Variants in MYH1 observed in about 807,000 individuals in gnomAD.
The protein encoded by MYH1 is myosin-1.
A neutral mutation model predicts 225.6 loss-of-function variants in MYH1; 214 were observed. The ratio of observed to expected loss-of-function variants is 0.95; its 90% CI spans 0.85 to 1.06. The LOEUF is 1.06. Ranked by LOEUF, MYH1 falls within the 50% of genes least tolerant of loss-of-function variation. MYH1 has a pLI of 0.00. For missense variants in MYH1, 2,098 were observed against 2,344.2 expected (o/e 0.89, Z 2.17); for synonymous variants, 774 against 842.3 (o/e 0.92, Z 1.40).
In MYH1 at chr17:10,501,756, A is replaced by G. The variant is rs2073060595; in HGVS notation, c.3257+10T>C. On this transcript the variant is annotated intron_variant, in intron 25 of 39. Transcript: ENST00000226207. ...TTTCCCCACAAAACTGTTGACCTAA[A>G]ACTGCTTACTTTTTAAGCTTTTCAT... 4.3e-6 allele frequency: 7 copies of G among 1,613,946 alleles called. No individual in the cohort carries two copies. The highest frequency in any genetic ancestry group is 5.9e-6 in the Non-Finnish European group (7 of 1,179,974).
In MYH1 at chr17:10,516,222, G is replaced by T; in HGVS notation, c.325C>A (p.Arg109Ser). 1.2e-6 allele frequency: 2 copies of T among 1,614,188 alleles called. No individual in the cohort carries two copies. The highest frequency in any genetic ancestry group is 8.5e-7 in the Non-Finnish European group (1 of 1,180,028). The change falls in exon 4 of 40, where the codon CGC (arginine) becomes AGC (serine). Residue 109 changes from arginine to serine, a missense_variant. Coordinates refer to ENST00000226207, the MANE Select transcript of MYH1 (RefSeq NM_005963.4). Reference sequence around the variant, plus strand: ...ACGTAGATCATCCAGGCTGCGTAGCGCTCTTTGAGGTTGTACAGCACAGCA... The same window carrying T: ...ACGTAGATCATCCAGGCTGCGTAGCTCTCTTTGAGGTTGTACAGCACAGCA... The part of the protein sequence containing the change: ...EPAVLYNLKE[R>S]YAAWMIYTYS...
intron 28 of MYH1, 78 bp from the exon 29 acceptor site, chr17:10,499,170 G>C (rs2073028321): frequency 1.2e-5 from 16 of 1,301,546 alleles, no homozygotes; most frequent in Non-Finnish European, 1.8e-5. Context: ...AGCAGGGAAA[G>C]GGAGCCAAGT....
At position 10,496,344 on chromosome 17, in the gene MYH1, T is replaced by A. The variant is rs2072994231; in HGVS notation, c.4862A>T (p.Lys1621Met). 4 of 1,613,960 alleles carry A rather than the reference T, an allele frequency of 2.5e-6. No individual in the cohort carries two copies. Among genetic ancestry groups the A allele is most frequent in the Non-Finnish European group, 3.4e-6 (4 of 1,180,020 alleles). ...CATTTCATTGAGGTCTCCCTCCATCTTCTTCTTGAGCCTAATGGCATCATT... is the reference window on the plus strand; with the variant it reads ...CATTTCATTGAGGTCTCCCTCCATCATCTTCTTGAGCCTAATGGCATCATT... ...SRNDAIRLKK[K>M]MEGDLNEMEI... Residue 1621 changes from lysine (K) to methionine (M), a missense_variant, in exon 34 of 40, where the codon AAG (lysine) becomes ATG (methionine). Lys to Met is a moderately conservative substitution (Grantham distance 95, BLOSUM62 -1). Transcript: ENST00000226207.
chr17:10,507,810 G>A, intron 17 of MYH1, 76 bp downstream of exon 17: 1 of 1,215,748 alleles, frequency 8.2e-7, no homozygotes, highest in Non-Finnish European at 1.2e-6. Flanking sequence ...TCCTTGCAAG[G>A]TTAGTTTTTT....
In MYH1 at chr17:10,508,549, G is replaced by T; in HGVS notation, c.1711C>A (p.Pro571Thr). Residue 571 changes from proline (P) to threonine (T), a missense_variant, in exon 16 of 40, where the codon CCT becomes ACT. Coordinates refer to ENST00000226207, the MANE Select transcript of MYH1 (RefSeq NM_005963.4). ...TGGGCCTCAGGCTTGCCTTTGGCAG[G>T]CTTGGGCTTCTGGAAGTTATTGGAT... is the stretch of plus-strand genomic sequence containing the variant. ...GKSNNFQKPK[P>T]AKGKPEAHFS... The T allele has an allele frequency of 6.2e-7, 1 of 1,614,144 alleles. No individual in the cohort carries two copies. Among genetic ancestry groups the T allele is most frequent in the Non-Finnish European group, 8.5e-7 (1 of 1,180,024 alleles).
intron 24 of MYH1, 75 bp from the exon 25 acceptor site, chr17:10,501,986 T>C: frequency 1.4e-6 from 2 of 1,395,176 alleles, no homozygotes; most frequent in South Asian, 1.4e-5. Context: ...TTTTAAACAT[T>C]ATATCTATGC....
At chr17:10,511,351 G>A (rs897575107) in intron 14 of MYH1, among the ~76,000 whole-genome samples, 2 of 151,874 alleles carry the variant, frequency 1.3e-5, no homozygotes, top group Admixed American at 1.3e-4. Flanking sequence ...TTCATTTCTC[G>A]GCAAACAGAA....
intron 17 of MYH1, among the ~76,000 whole-genome samples, chr17:10,507,056 A>G (rs2073119559): frequency 6.6e-6 from 1 of 152,046 alleles, no homozygotes; most frequent in African/African-American, 2.4e-5. Flanking sequence ...TTGCCAAAAG[A>G]AAAATAGACT....
chr17:10,511,729 A>G, intron 14 of MYH1, 110 bp downstream of exon 14: 1 of 1,541,932 alleles, frequency 6.5e-7, no homozygotes, highest in Non-Finnish European at 8.9e-7. Flanking sequence ...TTTAAAGTGC[A>G]GCTATTTTTC....
At position 10,501,880 on chromosome 17, in the gene MYH1, A is replaced by G; in HGVS notation, c.3143T>C (p.Ile1048Thr). 6.2e-7 allele frequency: 1 copy of G among 1,608,244 alleles called. No homozygotes were observed. The change falls in exon 25 of 40, where the codon ATC (isoleucine) becomes ACC (threonine). Residue 1048 changes from isoleucine to threonine, a missense_variant. By Grantham distance (89) the Ile-to-Thr change is moderately conservative. Transcript: ENST00000226207. Reference sequence around the variant, plus strand: ...CTTTGCTCTTTCTAGATCCATCCGGATTTTCTTTTCTTGTTCCAAAGATCC... The same window carrying G: ...CTTTGCTCTTTCTAGATCCATCCGGGTTTTCTTTTCTTGTTCCAAAGATCC... ...LEGSLEQEKK[I>T]RMDLERAKRK...
In MYH1 at chr17:10,497,051, A is replaced by G. The variant is rs754840243; in HGVS notation, c.4656+18T>C. ...ATTCCTCTTCTAATTGTTTTAGAGT[A>G]TGCAATAAAATGCTTACCTCTGCCT... On this transcript the variant is annotated intron_variant, in intron 33 of 39. Transcript: ENST00000226207. 5 of 1,609,628 alleles carry G rather than the reference A, an allele frequency of 3.1e-6. No homozygotes were observed. The highest frequency in any genetic ancestry group is 4.2e-6 in the Non-Finnish European group (5 of 1,179,068).
intron 9 of MYH1, 107 bp from the exon 10 acceptor site, chr17:10,513,072 T>G: frequency 1.4e-6 from 1 of 712,588 alleles, no homozygotes. Context: ...TCTTGAGATT[T>G]CAACTGAATG....
intron 25 of MYH1, 25 bp downstream of exon 25, chr17:10,501,741 A>C (rs755540487): frequency 6.2e-7 from 1 of 1,613,868 alleles, no homozygotes; most frequent in Admixed American, 1.7e-5. Flanking sequence ...TTTCCCCACA[A>C]AACTGTTGAC....
In MYH1 at chr17:10,495,987, A is replaced by T; in HGVS notation, c.5132T>A (p.Leu1711Gln). 6.2e-7 allele frequency: 1 copy of T among 1,614,090 alleles called. No individual in the cohort carries two copies. The highest frequency in any genetic ancestry group is 8.5e-7 in the Non-Finnish European group (1 of 1,180,026). The part of the protein sequence containing the change: ...RSRKIAEQEL[L>Q]DASERVQLLH... ...GAGCTGAACACGCTCACTGGCATCC[A>T]GGAGCTCCTGTTCTGCGATTTTCCT... The change falls in exon 35 of 40, where the codon CTG (leucine) becomes CAG (glutamine). Residue 1711 changes from leucine to glutamine, a missense_variant. By Grantham distance (113) the Leu-to-Gln change is moderately radical (BLOSUM62 -2). Coordinates refer to ENST00000226207, the MANE Select transcript of MYH1 (RefSeq NM_005963.4).
chr17:10,516,223 C>G lies in MYH1; in HGVS notation c.324G>C (p.Glu108Asp). 1 of 1,614,206 alleles carries G rather than the reference C, an allele frequency of 6.2e-7. No individual in the cohort carries two copies. The highest frequency in any genetic ancestry group is 8.5e-7 in the Non-Finnish European group (1 of 1,180,036). The part of the protein sequence containing the change: ...HEPAVLYNLK[E>D]RYAAWMIYTY... The stretch of plus-strand genomic sequence containing the variant: ...CGTAGATCATCCAGGCTGCGTAGCG[C>G]TCTTTGAGGTTGTACAGCACAGCAG... Residue 108 changes from glutamate to aspartate, a missense_variant, in exon 4 of 40, where the codon GAG becomes GAC. Coordinates refer to ENST00000226207, the MANE Select transcript of MYH1 (RefSeq NM_005963.4).
intron 16 of MYH1, among the ~76,000 whole-genome samples, 196 bp downstream of exon 16, chr17:10,508,167 T>A: frequency 6.6e-6 from 1 of 151,858 alleles, no homozygotes. Context: ...TATAGGCACC[T>A]GCCACCATGC....
Position 10,516,656 on chromosome 17 carries a change from T to A in MYH1, c.-14A>T. 1 of 1,614,128 alleles carries A rather than the reference T, an allele frequency of 6.2e-7. No individual in the cohort carries two copies. Among genetic ancestry groups the A allele is most frequent in the Non-Finnish European group, 8.5e-7 (1 of 1,179,980 alleles). On this transcript the variant is annotated 5_prime_UTR_variant, in exon 3 of 40. Transcript: ENST00000226207. ...GTCGGAACTCATGGCTGCAGGTTAT[T>A]GATGGTAGCCCAGTTAAGGACCCTG...
chr17:10,499,632 A>C (rs1042380460), intron 28 of MYH1, among the ~76,000 whole-genome samples: 1 of 152,234 alleles, frequency 6.6e-6, no homozygotes, highest in Admixed American at 6.5e-5. Context: ...TTTCCAAACT[A>C]AATGGCATTT....
At position 10,495,940 on chromosome 17, in the gene MYH1, T is replaced by C; in HGVS notation, c.5169+10A>G. ...CCTTGTATTTGTTGCTATTCTATTA[T>C]TACATGCACCTGGGTGTGCAGGAGC... On this transcript the variant is annotated intron_variant, in intron 35 of 39. Transcript: ENST00000226207. 1 of 1,614,078 alleles carries C rather than the reference T, an allele frequency of 6.2e-7. No homozygotes were observed.
Sources: allele counts gnomAD v4.1 joint callset (sites outside exome capture counted in the v4.1 genomes callset), GRCh38; gene constraint gnomAD v4.1.1; transcripts MANE v1.5; gene names NCBI Gene and HGNC (gene_info 2026-07-23, HGNC 2026-07-21).